INPP4B: variants seen among roughly 807,000 people sequenced by gnomAD.
The protein encoded by INPP4B is inositol polyphosphate-4-phosphatase type II B.
INPP4B carries 55 observed loss-of-function variants against 122.5 expected under a neutral mutation model. The observed-to-expected ratio is 0.45, with a 90% CI of 0.36 to 0.56. INPP4B has a LOEUF of 0.56. INPP4B is among the 20% of genes least tolerant of loss of function. The pLI is 0.00. For missense variants in INPP4B, 1,000 were observed against 1,097.7 expected (o/e 0.91, Z 1.26); for synonymous variants, 403 against 388.7 (o/e 1.04, Z -0.43).
intron 1 of INPP4B, among the ~76,000 whole-genome samples, chr4:142,799,266 T>A (rs970661820): frequency 1.3e-5 from 2 of 151,894 alleles, no homozygotes; most frequent in African/African-American, 4.8e-5. Context: ...CTAAAACTCA[T>A]CGGTCTCAAT....
intron 9 of INPP4B, among the ~76,000 whole-genome samples, chr4:142,303,851 TTC>T (rs1217571345): frequency 6.6e-6 from 1 of 152,148 alleles, no homozygotes; most frequent in Non-Finnish European, 1.5e-5. Flanking sequence ...TGTATTTCTT[TTC>T]TCTTTCAAGG....
chr4:142,431,615 G>T (rs531079860), intron 3 of INPP4B, among the ~76,000 whole-genome samples: 1 of 152,178 alleles, frequency 6.6e-6, no homozygotes, highest in South Asian at 2.1e-4. Flanking sequence ...AAACATGAAA[G>T]GTGTATTATT....
chr4:142,662,367 A>G (rs1755357449), intron 2 of INPP4B, among the ~76,000 whole-genome samples: 1 of 152,240 alleles, frequency 6.6e-6, no homozygotes, highest in Admixed American at 6.5e-5. Context: ...ATTAGAGAGC[A>G]TCACCTATAT....
At chr4:142,068,848 T>G (rs1457875083) in intron 25 of INPP4B, among the ~76,000 whole-genome samples, 1 of 152,050 alleles carries the variant, frequency 6.6e-6, no homozygotes, top group African/African-American at 2.4e-5. Flanking sequence ...CTTTGAGAAA[T>G]ACAAAGAGAC....
chr4:142,215,073 A>T (rs563901269), intron 12 of INPP4B, among the ~76,000 whole-genome samples: 1 of 152,268 alleles, frequency 6.6e-6, no homozygotes, highest in East Asian at 1.9e-4. Flanking sequence ...AAGTTATAGG[A>T]TATCAGAGTT....
chr4:142,236,912 T>G (rs1220081079), intron 12 of INPP4B, among the ~76,000 whole-genome samples: 1 of 152,204 alleles, frequency 6.6e-6, no homozygotes, highest in East Asian at 1.9e-4. Context: ...AATTAAAAAG[T>G]GTTAACGCTT....
At chr4:142,101,444 G>A (rs1183388821) in intron 23 of INPP4B, among the ~76,000 whole-genome samples, 1 of 152,044 alleles carries the variant, frequency 6.6e-6, no homozygotes, top group Non-Finnish European at 1.5e-5. Flanking sequence ...ATAAAATGTA[G>A]TGCAACTCTT....
At chr4:142,686,649 C>T (rs1161432974) in intron 2 of INPP4B, among the ~76,000 whole-genome samples, 1 of 152,054 alleles carries the variant, frequency 6.6e-6, no homozygotes, top group Non-Finnish European at 1.5e-5. Flanking sequence ...TAAGTTTCAT[C>T]CTCAAATACT....
intron 9 of INPP4B, among the ~76,000 whole-genome samples, chr4:142,285,225 A>G (rs1263158054): frequency 6.6e-6 from 1 of 152,060 alleles, no homozygotes; most frequent in Non-Finnish European, 1.5e-5. Flanking sequence ...TAGGGCAGAG[A>G]AAAGCCTGAG....
intron 5 of INPP4B, among the ~76,000 whole-genome samples, chr4:142,406,129 C>T (rs1406257394): frequency 6.6e-6 from 1 of 152,134 alleles, no homozygotes; most frequent in East Asian, 1.9e-4. Flanking sequence ...CTATCCCCGC[C>T]ACCCTCGCCT....
chr4:142,406,920 A>G (rs1291099142), intron 5 of INPP4B, among the ~76,000 whole-genome samples: 23 of 152,122 alleles, frequency 1.5e-4, no homozygotes, highest in African/African-American at 5.3e-4. Context: ...CTTACATCCT[A>G]CCCCACTGGC....
chr4:142,611,664 GAT>G, intron 2 of INPP4B, among the ~76,000 whole-genome samples: 1 of 79,240 alleles, frequency 1.3e-5, no homozygotes, highest in East Asian at 4.4e-4. Flanking sequence ...TTTTTTTTGA[GAT>G]GGAGTCTGGC....
At chr4:142,229,578 G>A (rs1388658828) in intron 12 of INPP4B, among the ~76,000 whole-genome samples, 4 of 152,110 alleles carry the variant, frequency 2.6e-5, no homozygotes, top group Admixed American at 2.6e-4. Context: ...TCCTGAAAAT[G>A]CCAATGTTTT....
intron 2 of INPP4B, among the ~76,000 whole-genome samples, chr4:142,723,404 T>C (rs1174554895): frequency 6.6e-6 from 1 of 152,146 alleles, no homozygotes; most frequent in East Asian, 1.9e-4. Context: ...CATGTAATCC[T>C]ACCATGGTAT....
intron 2 of INPP4B, among the ~76,000 whole-genome samples, chr4:142,647,099 G>A (rs1444710550): frequency 6.6e-6 from 1 of 152,094 alleles, no homozygotes; most frequent in East Asian, 1.9e-4. Context: ...GAAGTTAATA[G>A]ATAATGCTTA....
At chr4:142,564,142 T>C (rs779469788) in intron 2 of INPP4B, among the ~76,000 whole-genome samples, 5 of 152,194 alleles carry the variant, frequency 3.3e-5, no homozygotes, top group Admixed American at 6.5e-5. Flanking sequence ...AAAACTTTAC[T>C]GAATAGGAAC....
intron 25 of INPP4B, among the ~76,000 whole-genome samples, chr4:142,075,629 G>C (rs994430422): frequency 6.6e-6 from 1 of 151,990 alleles, no homozygotes; most frequent in Non-Finnish European, 1.5e-5. Flanking sequence ...AGAGAAAAAT[G>C]TTCTAAGGAA....
At chr4:142,140,985 G>C (rs72718464) in intron 18 of INPP4B, among the ~76,000 whole-genome samples, 17,819 of 152,184 alleles carry the variant, frequency 0.12, 1,614 homozygotes, top group African/African-American at 0.25. Flanking sequence ...AGACTGCTGA[G>C]ACAAACTAGA....
intron 25 of INPP4B, among the ~76,000 whole-genome samples, chr4:142,066,277 A>G (rs1335208989): frequency 6.6e-6 from 1 of 152,216 alleles, no homozygotes; most frequent in East Asian, 1.9e-4. Flanking sequence ...CACATTCTAC[A>G]GTCTACACAA....
Sources: gnomAD v4.1 joint callset for allele counts (sites outside exome capture counted in the v4.1 genomes callset) on GRCh38, gnomAD v4.1.1 for gene constraint, MANE v1.5 for transcripts, NCBI Gene and HGNC (gene_info 2026-07-23, HGNC 2026-07-21) for gene names.